PCDHA1: variants seen among roughly 807,000 people sequenced by gnomAD.
The protein encoded by PCDHA1 is protocadherin alpha 1.
In PCDHA1, 42 loss-of-function variants were observed where a neutral mutation model predicts 61.3. The ratio of observed to expected loss-of-function variants is 0.69; its 90% CI spans 0.54 to 0.89. The LOEUF is 0.89. Among genes scored for constraint, PCDHA1 ranks in the 40% least tolerant of loss-of-function variants. The probability of loss-of-function intolerance (pLI) is 0.00; values close to 1 mark genes in which losing one functional copy is unlikely to be tolerated. For synonymous variants in PCDHA1, 610 were observed against 553.8 expected (o/e 1.10, Z -1.43); for missense variants, 1,256 against 1,235.3 (o/e 1.02, Z -0.25).
chr5:140,869,320 G>T, intron 1 of PCDHA1: 1 of 1,613,846 alleles, frequency 6.2e-7, no homozygotes, highest in Non-Finnish European at 8.5e-7. Context: ...AACACATGGG[G>T]ACCTTCTGGA....
intron 1 of PCDHA1, among the ~76,000 whole-genome samples, chr5:140,899,419 A>G (rs1583341890): frequency 6.6e-6 from 1 of 152,318 alleles, no homozygotes; most frequent in Non-Finnish European, 1.5e-5. Flanking sequence ...GAATTTTGTC[A>G]AAGGTCTTTT....
chr5:140,828,597 C>A lies in PCDHA1; in HGVS notation c.2394+39913C>A, dbSNP rs1365615001. 16 of 1,614,084 alleles carry A rather than the reference C, an allele frequency of 9.9e-6. No individual in the cohort carries two copies. Among genetic ancestry groups the A allele is most frequent in the Non-Finnish European group, 1.4e-5 (16 of 1,180,058 alleles). On this transcript the variant is annotated intron_variant, in intron 1 of 3. Coordinates refer to ENST00000504120, the MANE Select transcript of PCDHA1 (RefSeq NM_018900.4). ...GATGTTGGCTCAAATTCCATCTTAACCTATAAACTCAGTTCTAGCGAATAC... is the reference window on the plus strand; with the variant it reads ...GATGTTGGCTCAAATTCCATCTTAAACTATAAACTCAGTTCTAGCGAATAC...
intron 1 of PCDHA1, chr5:140,836,822 T>C: frequency 9.7e-7 from 1 of 1,033,238 alleles, no homozygotes; most frequent in African/African-American, 1.6e-5. Flanking sequence ...ATAATTTCTT[T>C]TTTAGTTGAT....
At chr5:140,977,227 A>G (rs149467858) in intron 1 of PCDHA1, among the ~76,000 whole-genome samples, 4 of 152,288 alleles carry the variant, frequency 2.6e-5, no homozygotes, top group African/African-American at 7.2e-5. Context: ...ATGTTACCCA[A>G]TCATAGAAAA....
intron 1 of PCDHA1, among the ~76,000 whole-genome samples, chr5:140,954,144 A>G (rs560378033): frequency 2.0e-5 from 3 of 152,232 alleles, no homozygotes; most frequent in Non-Finnish European, 4.4e-5. Flanking sequence ...ATAGTATTCC[A>G]TGGTGTATAT....
rs1554169418 is a variant in PCDHA1 at position 140,877,179 on chromosome 5, G to C, written c.2394+88495G>C. 3 of 1,613,712 alleles carry C rather than the reference G, an allele frequency of 1.9e-6. No individual in the cohort carries two copies. The South Asian group carries it at 3.3e-5, about 18-fold the overall frequency. ...ACGCGCCGGCACTGCTGGCGACTCCGGCTGGCAGCGCAGGAGGCGCAGTTA... is the reference window on the plus strand; with the variant it reads ...ACGCGCCGGCACTGCTGGCGACTCCCGCTGGCAGCGCAGGAGGCGCAGTTA... On this transcript the variant is annotated intron_variant, in intron 1 of 3. Coordinates refer to ENST00000504120, the MANE Select transcript of PCDHA1 (RefSeq NM_018900.4).
In PCDHA1 at chr5:140,927,241, A is replaced by T. The variant is rs781911240; in HGVS notation, c.2395-51708A>T. The stretch of plus-strand genomic sequence containing the variant: ...CAAGATTCGGATTCACGTCCTGGAC[A>T]CCAATGACAACTCACCTCTCTTTCC... On this transcript the variant is annotated intron_variant, in intron 1 of 3. Coordinates refer to ENST00000504120, the MANE Select transcript of PCDHA1 (RefSeq NM_018900.4). 3 of 1,613,966 alleles carry T rather than the reference A, an allele frequency of 1.9e-6. No homozygotes were observed. The Admixed American group carries it at 5.0e-5, about 27-fold the overall frequency.
chr5:140,853,498 C>T (rs983966911), intron 1 of PCDHA1: 1 of 976,590 alleles, frequency 1.0e-6, no homozygotes, highest in African/African-American at 1.8e-5. Flanking sequence ...AAGTTAGAAT[C>T]ATGAAACAAT....
intron 1 of PCDHA1, among the ~76,000 whole-genome samples, chr5:140,902,886 A>G (rs192404879): frequency 3.9e-5 from 6 of 152,276 alleles, no homozygotes; most frequent in Non-Finnish European, 7.4e-5. Flanking sequence ...TGCAAAAGCT[A>G]TTATTTTATT....
At chr5:140,941,313 C>T (rs1585057947) in intron 1 of PCDHA1, among the ~76,000 whole-genome samples, 2 of 104,888 alleles carry the variant, frequency 1.9e-5, no homozygotes, top group Non-Finnish European at 4.0e-5. Context: ...TCTTTTTCTT[C>T]TTTCTCTTTT....
chr5:140,845,302 C>A lies in PCDHA1; in HGVS notation c.2394+56618C>A, dbSNP rs2150378107. On this transcript the variant is annotated intron_variant, in intron 1 of 3. Coordinates refer to ENST00000504120, the MANE Select transcript of PCDHA1 (RefSeq NM_018900.4). ...TATTTCCTATCCTGTCTATGTCTAC[C>A]TGGTTCTCAGGTATTACTTTAATTA... is the stretch of plus-strand genomic sequence containing the variant. 3.4e-5 allele frequency among the ~76,000 whole-genome samples: 5 copies of A among 148,988 alleles called. 1 individual carries two copies. Among genetic ancestry groups the A allele is most frequent in the Non-Finnish European group, 6.0e-5 (4 of 66,584 alleles).
intron 3 of PCDHA1, among the ~76,000 whole-genome samples, chr5:140,989,535 GTT>G (rs2097346543): frequency 6.6e-6 from 1 of 152,178 alleles, no homozygotes; most frequent in Non-Finnish European, 1.5e-5. Context: ...GAGGAAGATA[GTT>G]TGTAATTCCT....
chr5:140,843,885 G>A, intron 1 of PCDHA1: 1 of 709,038 alleles, frequency 1.4e-6, no homozygotes, highest in South Asian at 2.0e-5. Context: ...GCATAATACA[G>A]TATTAATCAT....
In PCDHA1 at chr5:140,966,763, G is replaced by A. The variant is rs1020607410; in HGVS notation, c.2395-12186G>A. 2.7e-6 allele frequency: 4 copies of A among 1,470,486 alleles called. No homozygotes were observed. The South Asian group carries it at 5.5e-5, about 20-fold the overall frequency. 91.1% of individuals were successfully genotyped at this position (1,470,486 alleles called of 1,614,324 possible). A position where few individuals can be genotyped will look rare whatever the true frequency, so the allele number is the denominator to read the frequency against. Reference sequence around the variant, plus strand: ...CCCGGCTGCCTCCGCCGCGGCCAGTGGCTATGGAGCAGGCGGGCACCAGAC... The same window carrying A: ...CCCGGCTGCCTCCGCCGCGGCCAGTAGCTATGGAGCAGGCGGGCACCAGAC... On this transcript the variant is annotated intron_variant, in intron 1 of 3. Transcript: ENST00000504120.
intron 1 of PCDHA1, among the ~76,000 whole-genome samples, chr5:140,800,066 A>C (rs996981204): frequency 2.6e-5 from 4 of 152,180 alleles, no homozygotes; most frequent in Admixed American, 1.3e-4. Flanking sequence ...CAACTTTTAA[A>C]AAAACTGGAA....
intron 1 of PCDHA1, chr5:140,857,501 G>C (rs1554150129): frequency 6.3e-7 from 1 of 1,598,242 alleles, no homozygotes; most frequent in Non-Finnish European, 8.6e-7. Flanking sequence ...GGACGCGCAG[G>C]AGAACGCCCT....
chr5:140,856,203 G>GGCTGGA (rs782244369), intron 1 of PCDHA1: 1 of 1,597,978 alleles, frequency 6.3e-7, no homozygotes, highest in African/African-American at 1.3e-5. Context: ...CAGGACCTGG[G>GGCTGGA]GCTGGAGCTG....
At position 140,927,719 on chromosome 5, in the gene PCDHA1, C is replaced by A. The variant is rs144571902; in HGVS notation, c.2395-51230C>A. Reference sequence around the variant, plus strand: ...GTCCAGTACTCCCTAAGCAACAGCACGCAAGCAGAGCTGCGACACCGCTTT... The same window carrying A: ...GTCCAGTACTCCCTAAGCAACAGCAAGCAAGCAGAGCTGCGACACCGCTTT... On this transcript the variant is annotated intron_variant, in intron 1 of 3. Transcript: ENST00000504120. The A allele has an allele frequency of 2.2e-4, 352 of 1,614,178 alleles. No individual in the cohort carries two copies. In the Middle Eastern group the frequency reaches 2.3e-3, roughly 11 times the overall value.
Position 140,953,715 on chromosome 5 carries a change from A to T in PCDHA1, c.2395-25234A>T, listed in dbSNP as rs535385036. Among the ~76,000 whole-genome samples the T allele has an allele frequency of 2.6e-5, 4 of 152,312 alleles. No homozygotes were observed. The South Asian group carries it at 6.2e-4, about 24-fold the overall frequency. On this transcript the variant is annotated intron_variant, in intron 1 of 3. Transcript: ENST00000504120. ...TGATCTACTAGACTGAGCTTCAGAC[A>T]TTGTGTTTTGAAATTTTTGCTTAAC...
Sources: gnomAD v4.1 joint callset for allele counts (sites outside exome capture counted in the v4.1 genomes callset) on GRCh38, gnomAD v4.1.1 for gene constraint, MANE v1.5 for transcripts, NCBI Gene and HGNC (gene_info 2026-07-23, HGNC 2026-07-21) for gene names.